The following PDK1 variants were observed in gnomAD, a reference collection of about 807,000 sequenced individuals.
PDK1 encodes pyruvate dehydrogenase kinase 1.
PDK1 carries 39 observed loss-of-function variants against 54.2 expected under a neutral mutation model. The ratio of observed to expected loss-of-function variants is 0.72; its 90% confidence interval spans 0.56 to 0.94. The LOEUF (loss-of-function observed/expected upper bound fraction) is 0.94. PDK1 is among the 40% of genes least tolerant of loss of function. The pLI is 0.00. For missense variants in PDK1, 552 were observed against 566.0 expected, an observed-to-expected ratio of 0.98 and a Z score of 0.25; for synonymous variants, 221 against 207.1, an observed-to-expected ratio of 1.07 and a Z score of -0.58.
intron 10 of PDK1, among the ~76,000 whole-genome samples, chr2:172,595,317 G>C (rs1392263278): frequency 6.6e-6 from 1 of 152,108 alleles, no homozygotes; most frequent in Non-Finnish European, 1.5e-5. Flanking sequence ...CAATCTTCCT[G>C]TGTAAGCCTC....
At chr2:172,580,474 T>C (rs1689843318) in intron 8 of PDK1, among the ~76,000 whole-genome samples, 1 of 152,232 alleles carries the variant, frequency 6.6e-6, no homozygotes, top group African/African-American at 2.4e-5. Context: ...CGTCATTGCA[T>C]AGATCAAGGT....
the PDK1 span, among the ~76,000 whole-genome samples, chr2:172,639,343 C>G: frequency 6.6e-6 from 1 of 152,226 alleles, no homozygotes; most frequent in Non-Finnish European, 1.5e-5. Flanking sequence ...TGTGTGCTCA[C>G]TCTCCAAAGG....
At chr2:172,613,786 C>G in the PDK1 span, among the ~76,000 whole-genome samples, 1 of 152,180 alleles carries the variant, frequency 6.6e-6, no homozygotes, top group South Asian at 2.1e-4. Context: ...AGGGGGAGCC[C>G]TTCTCCTTCT....
the PDK1 span, among the ~76,000 whole-genome samples, chr2:172,628,864 A>G: frequency 1.3e-5 from 2 of 152,170 alleles, no homozygotes; most frequent in South Asian, 4.1e-4. Flanking sequence ...CATGCCTGTA[A>G]TCCCAGCACT....
At position 172,596,273 on chromosome 2, in the gene PDK1, CTAGT is replaced by C. The variant is rs914995398; in HGVS notation, c.*306_*309del. The C allele has an allele frequency of 1.0e-5, 2 of 191,394 alleles. No individual in the cohort carries two copies. Among genetic ancestry groups the C allele is most frequent in the African/African-American group, 5.2e-5 (2 of 38,610 alleles). The allele number at this position is 191,394 out of a possible 1,614,324, so 11.9% of individuals were successfully genotyped here. A position where few individuals can be genotyped will look rare whatever the true frequency, so the allele number is the denominator to read the frequency against. Reference sequence around the variant, plus strand: ...GAAATCTTCGGGTTTCTATAGGAAACTAGTTTTTTTTTTTTAAGAAATACTTTCA... The same window carrying C: ...GAAATCTTCGGGTTTCTATAGGAAACTTTTTTTTTTTAAGAAATACTTTCA... On this transcript the variant is annotated 3_prime_UTR_variant, in exon 11 of 11. Transcript: ENST00000282077.
At chr2:172,669,650 T>G in the PDK1 span, among the ~76,000 whole-genome samples, 74 of 152,326 alleles carry the variant, frequency 4.9e-4, 1 homozygote, top group East Asian at 0.013. Context: ...TATCAGAGCT[T>G]CTTTCTCTCC....
chr2:172,562,636 G>T, intron 3 of PDK1: 1 of 714,134 alleles, frequency 1.4e-6, no homozygotes, highest in Non-Finnish European at 2.4e-6. Context: ...CATATCATCT[G>T]ATTGTTTTCT....
At chr2:172,594,318 C>T (rs1224364140) in intron 10 of PDK1, among the ~76,000 whole-genome samples, 1 of 152,186 alleles carries the variant, frequency 6.6e-6, no homozygotes, top group Non-Finnish European at 1.5e-5. Context: ...AGCCACCACA[C>T]CTGGCCTAGT....
chr2:172,568,973 A>G (rs1186231265), intron 7 of PDK1, among the ~76,000 whole-genome samples, 156 bp downstream of exon 7: 1 of 152,218 alleles, frequency 6.6e-6, no homozygotes, highest in Non-Finnish European at 1.5e-5. Context: ...TTATCAACAC[A>G]GGGAGACATC....
chr2:172,615,781 A>C, the PDK1 span, among the ~76,000 whole-genome samples: 13 of 152,254 alleles, frequency 8.5e-5, no homozygotes, highest in Non-Finnish European at 1.8e-4. Flanking sequence ...TAAATTGGCT[A>C]TATAATGAGA....
chr2:172,696,375 T>C, the PDK1 span, among the ~76,000 whole-genome samples: 1 of 152,174 alleles, frequency 6.6e-6, no homozygotes, highest in Non-Finnish European at 1.5e-5. Flanking sequence ...AATAACTCTG[T>C]GGCAATATAT....
chr2:172,650,987 A>T, the PDK1 span, among the ~76,000 whole-genome samples: 25 of 152,304 alleles, frequency 1.6e-4, 1 homozygote, highest in South Asian at 1.2e-3. Context: ...GACCTAATAA[A>T]CATCTACAGA....
the PDK1 span, among the ~76,000 whole-genome samples, chr2:172,668,940 A>AG: frequency 1.7e-4 from 18 of 107,542 alleles, no homozygotes; most frequent in African/African-American, 4.2e-4. Context: ...GAGAGAGAGA[A>AG]AGAGAGAGAG....
the PDK1 span, among the ~76,000 whole-genome samples, chr2:172,621,375 A>G: frequency 0.011 from 1,718 of 152,110 alleles, 19 homozygotes; most frequent in Non-Finnish European, 0.017. Context: ...CTCAGCCTAC[A>G]TCTTTCTCCT....
At chr2:172,588,765 C>T (rs1690402935) in intron 9 of PDK1, among the ~76,000 whole-genome samples, 1 of 152,216 alleles carries the variant, frequency 6.6e-6, no homozygotes, top group Admixed American at 6.5e-5. Flanking sequence ...AGGGCTTCCT[C>T]CCTGTGGATA....
chr2:172,556,123 G>A lies in PDK1; in HGVS notation c.-28G>A, dbSNP rs1688302863. On this transcript the variant is annotated 5_prime_UTR_variant, in exon 1 of 11. Coordinates refer to ENST00000282077, the MANE Select transcript of PDK1 (RefSeq NM_002610.5). ...GAGGCGCGGGGAAACCTGGCGTACT[G>A]GCTGTGGCTTCTCTAGCGGGACTCG... is the stretch of plus-strand genomic sequence containing the variant. 4 of 1,378,970 alleles carry A rather than the reference G, an allele frequency of 2.9e-6. No homozygotes were observed. Among genetic ancestry groups the A allele is most frequent in the African/African-American group, 3.1e-5 (2 of 65,358 alleles). The allele number at this position is 1,378,970 out of a possible 1,614,324, so 85.4% of individuals were successfully genotyped here. A position where few individuals can be genotyped will look rare whatever the true frequency, so the allele number is the denominator to read the frequency against.
the PDK1 span, among the ~76,000 whole-genome samples, chr2:172,702,878 C>T: frequency 6.6e-6 from 1 of 152,268 alleles, no homozygotes; most frequent in East Asian, 1.9e-4. Context: ...TCTGTGTACG[C>T]TGATTTTATG....
the PDK1 span, among the ~76,000 whole-genome samples, chr2:172,690,837 A>G: frequency 2.5e-5 from 3 of 120,696 alleles, no homozygotes; most frequent in South Asian, 9.7e-4. Context: ...AACATCACAC[A>G]CTGGGGCCTG....
chr2:172,660,348 C>G, the PDK1 span, among the ~76,000 whole-genome samples: 1 of 143,232 alleles, frequency 7.0e-6, no homozygotes, highest in East Asian at 2.1e-4. Flanking sequence ...CCTCTGCCTC[C>G]TGGGTTCAAG....
Sources: allele counts gnomAD v4.1 joint callset (sites outside exome capture counted in the v4.1 genomes callset), GRCh38; gene constraint gnomAD v4.1.1; transcripts MANE v1.5; gene names NCBI Gene and HGNC (gene_info 2026-07-23, HGNC 2026-07-21).